The following LPXN variants were observed in gnomAD, a reference collection of about 807,000 sequenced individuals.
The protein encoded by LPXN is leupaxin.
A neutral mutation model predicts 45.6 loss-of-function variants in LPXN; 28 were observed. The observed-to-expected ratio is 0.61, with a 90% CI of 0.45 to 0.84. The LOEUF (loss-of-function observed/expected upper bound fraction) is 0.84. Among genes scored for constraint, LPXN ranks in the 40% least tolerant of loss-of-function variants. The probability of loss-of-function intolerance (pLI) is 0.00; values close to 1 mark genes in which losing one functional copy is unlikely to be tolerated. For missense variants in LPXN, 459 were observed against 475.0 expected, an observed-to-expected ratio of 0.97 and a Z score of 0.31; for synonymous variants, 166 against 169.9, an observed-to-expected ratio of 0.98 and a Z score of 0.18.
intron 8 of LPXN, 152 bp from the exon 9 acceptor site, chr11:58,527,875 G>T: frequency 2.6e-6 from 3 of 1,137,840 alleles, no homozygotes; most frequent in Non-Finnish European, 3.7e-6. Context: ...TAGATTTCCC[G>T]CTTGCAAAAC....
intron 7 of LPXN, among the ~76,000 whole-genome samples, chr11:58,536,313 T>C (rs1489010708): frequency 6.6e-6 from 1 of 152,110 alleles, no homozygotes; most frequent in Non-Finnish European, 1.5e-5. Context: ...AAAACAGATA[T>C]ATAGATCAAT....
upstream of LPXN, chr11:58,575,944 T>G: frequency 1.6e-5 from 23 of 1,441,360 alleles, no homozygotes; most frequent in South Asian, 3.5e-4. Flanking sequence ...GGTGAGCTTT[T>G]TTTTTTTTTT....
At chr11:58,538,661 G>T (rs966492874) in intron 7 of LPXN, among the ~76,000 whole-genome samples, 8 of 152,074 alleles carry the variant, frequency 5.3e-5, no homozygotes, top group Non-Finnish European at 8.8e-5. Context: ...CATGAAAAGG[G>T]TTACTGTGAG....
At chr11:58,554,141 C>T (rs1466817377) in intron 4 of LPXN, 1 of 152,250 alleles carries the variant, frequency 6.6e-6, no homozygotes, top group Non-Finnish European at 1.5e-5. Context: ...GAAACTCCGT[C>T]TCTACTAAAA....
At chr11:58,551,333 G>T (rs1007430411) in intron 4 of LPXN, 101 bp from the exon 5 acceptor site, 2 of 973,904 alleles carry the variant, frequency 2.1e-6, no homozygotes, top group African/African-American at 1.7e-5. Flanking sequence ...CTGATCTCTT[G>T]GCCTTTCCCC....
intron 7 of LPXN, among the ~76,000 whole-genome samples, chr11:58,534,270 G>C (rs974202884): frequency 6.6e-6 from 1 of 152,156 alleles, no homozygotes; most frequent in African/African-American, 2.4e-5. Context: ...CTATGTAATT[G>C]TAAGTAAAAC....
At chr11:58,573,267 G>GAAAGA (rs1854769361) in intron 1 of LPXN, among the ~76,000 whole-genome samples, 1 of 148,912 alleles carries the variant, frequency 6.7e-6, no homozygotes, top group Non-Finnish European at 1.5e-5. Context: ...AAAAAGAAAA[G>GAAAGA]AAAAGAAAGA....
chr11:58,570,289 T>C (rs1023646497), intron 2 of LPXN, among the ~76,000 whole-genome samples: 1 of 149,466 alleles, frequency 6.7e-6, no homozygotes, highest in Admixed American at 6.6e-5. Context: ...GGAGACAGAG[T>C]GTGACTCTGT....
At chr11:58,559,827 G>A (rs1399739190) in intron 3 of LPXN, among the ~76,000 whole-genome samples, 1 of 152,158 alleles carries the variant, frequency 6.6e-6, no homozygotes, top group Non-Finnish European at 1.5e-5. Context: ...AGTGAGCCAA[G>A]ATAACACCAC....
chr11:58,528,332 G>T (rs1170092568), intron 7 of LPXN, 141 bp from the exon 8 acceptor site: 1 of 787,272 alleles, frequency 1.3e-6, no homozygotes, highest in African/African-American at 1.7e-5. Flanking sequence ...AAGGGTAGTT[G>T]TAAGAAATAA....
upstream of LPXN, among the ~76,000 whole-genome samples, chr11:58,577,589 A>G (rs998311257): frequency 5.9e-5 from 9 of 152,218 alleles, no homozygotes; most frequent in African/African-American, 2.2e-4. Flanking sequence ...GGAGAGGCCC[A>G]CTGCATCACC....
intron 7 of LPXN, among the ~76,000 whole-genome samples, chr11:58,548,798 C>T (rs895008079): frequency 2.0e-5 from 3 of 152,080 alleles, no homozygotes; most frequent in African/African-American, 7.2e-5. Flanking sequence ...TGAACAAATA[C>T]CACAACCCAG....
chr11:58,537,597 C>T (rs1291768642), intron 7 of LPXN, among the ~76,000 whole-genome samples: 3 of 151,836 alleles, frequency 2.0e-5, no homozygotes, highest in African/African-American at 7.3e-5. Flanking sequence ...CACCATGGCA[C>T]GTGTATACCT....
intron 2 of LPXN, among the ~76,000 whole-genome samples, chr11:58,564,864 C>T (rs757411704): frequency 1.3e-5 from 2 of 152,016 alleles, no homozygotes; most frequent in Non-Finnish European, 2.9e-5. Context: ...GAGAAGAGAA[C>T]GCTTGAGCAA....
intron 3 of LPXN, among the ~76,000 whole-genome samples, chr11:58,556,408 T>G (rs1410295780): frequency 6.6e-6 from 1 of 152,074 alleles, no homozygotes. Context: ...AAGAAATATA[T>G]AGCAAGCCTC....
Position 58,573,046 on chromosome 11 carries a change from G to A in LPXN, c.14-2333C>T, listed in dbSNP as rs949678241. ...GGATCGCCTGAGGTTGGGAGTTCGA[G>A]ACCAGCCTGACCAACATGGAGAAAA... On this transcript the variant is annotated intron_variant, in intron 1 of 8. Coordinates refer to ENST00000395074, the MANE Select transcript of LPXN (RefSeq NM_004811.3). 1.3e-5 allele frequency among the ~76,000 whole-genome samples: 2 copies of A among 152,096 alleles called. 1 individual carries two copies. The highest frequency in any genetic ancestry group is 4.1e-4 in the South Asian group (2 of 4,820).
At chr11:58,570,211 G>A (rs1399935904) in intron 2 of LPXN, among the ~76,000 whole-genome samples, 3 of 151,740 alleles carry the variant, frequency 2.0e-5, no homozygotes, top group South Asian at 4.2e-4. Context: ...GCTGAAGCAG[G>A]AGAATCGCTT....
At position 58,554,872 on chromosome 11, in the gene LPXN, A is replaced by C; in HGVS notation, c.287T>G (p.Leu96Arg). ...CTGCATCTCAGTCAGGTGAGCCATG[A>C]GCTCATCCAACTGAGCAGCTGCTGA... is the stretch of plus-strand genomic sequence containing the variant. ...KTSAAAQLDELMAHLTEMQAK... is the reference protein window; with the variant it reads ...KTSAAAQLDERMAHLTEMQAK... The change falls in exon 4 of 9, where the codon CTC becomes CGC. Residue 96 changes from leucine to arginine, a missense_variant. Transcript: ENST00000395074. 1 of 1,613,950 alleles carries C rather than the reference A, an allele frequency of 6.2e-7. No homozygotes were observed. Among genetic ancestry groups the C allele is most frequent in the Non-Finnish European group, 8.5e-7 (1 of 1,179,958 alleles).
intron 3 of LPXN, among the ~76,000 whole-genome samples, chr11:58,563,856 C>G (rs1403098152): frequency 2.0e-5 from 3 of 152,162 alleles, no homozygotes; most frequent in African/African-American, 7.2e-5. Flanking sequence ...AGCATAACAT[C>G]TGGAATAGCG....
Sources: gnomAD v4.1 joint callset for allele counts (sites outside exome capture counted in the v4.1 genomes callset) on GRCh38, gnomAD v4.1.1 for gene constraint, MANE v1.5 for transcripts, NCBI Gene and HGNC (gene_info 2026-07-23, HGNC 2026-07-21) for gene names.